The following CLSTN2 variants were observed in gnomAD, a reference collection of about 807,000 sequenced individuals.
The protein encoded by CLSTN2 is calsyntenin 2, also known as calsyntenin-2.
CLSTN2 carries 48 observed loss-of-function variants against 101.2 expected under a neutral mutation model. The ratio of observed to expected loss-of-function variants is 0.47; its 90% confidence interval spans 0.38 to 0.60. CLSTN2 has a LOEUF of 0.60. Among genes scored for constraint, CLSTN2 ranks in the 20% least tolerant of loss-of-function variants. CLSTN2 has a pLI of 0.00. For synonymous variants in CLSTN2, 481 were observed against 463.6 expected, an observed-to-expected ratio of 1.04 and a Z score of -0.48; for missense variants, 1,160 against 1,238.2, an observed-to-expected ratio of 0.94 and a Z score of 0.95.
intron 2 of CLSTN2, among the ~76,000 whole-genome samples, chr3:140,206,820 G>A (rs138278430): frequency 2.6e-5 from 4 of 152,292 alleles, no homozygotes; most frequent in African/African-American, 9.6e-5. Context: ...TGTGCTTGAA[G>A]TGCTGTCCAG....
At chr3:139,963,471 G>T (rs1468763248) in intron 1 of CLSTN2, among the ~76,000 whole-genome samples, 2 of 152,124 alleles carry the variant, frequency 1.3e-5, no homozygotes, top group African/African-American at 4.8e-5. Flanking sequence ...TGGGTAGGAA[G>T]AATTGAAAAT....
At chr3:140,563,003 C>G (rs767996494) in intron 14 of CLSTN2, 47 bp downstream of exon 14, 10 of 1,612,000 alleles carry the variant, frequency 6.2e-6, no homozygotes, top group Non-Finnish European at 8.5e-6. Flanking sequence ...TCACCCATTC[C>G]CTCATTCATT....
intron 8 of CLSTN2, among the ~76,000 whole-genome samples, chr3:140,525,195 C>T (rs72976030): frequency 0.071 from 10,838 of 152,148 alleles, 1,276 homozygotes; most frequent in African/African-American, 0.25. Flanking sequence ...ATTGATTGAG[C>T]GCTAGCTAGA....
chr3:140,386,466 C>G (rs907726997), intron 2 of CLSTN2, among the ~76,000 whole-genome samples: 1 of 152,320 alleles, frequency 6.6e-6, no homozygotes, highest in South Asian at 2.1e-4. Context: ...TTCAGCAGCT[C>G]TCTGATTAAC....
chr3:140,563,037 C>T, intron 14 of CLSTN2, 43 bp from the exon 15 acceptor site: 1 of 1,612,140 alleles, frequency 6.2e-7, no homozygotes, highest in Non-Finnish European at 8.5e-7. Context: ...ACTGGCCCAC[C>T]TGCCACTCCT....
At position 140,205,618 on chromosome 3, in the gene CLSTN2, G is replaced by GCAC. The variant is rs1553721844; in HGVS notation, c.232+29546_232+29547insACC. ...TACAGTTGTTGTTTGGACCTGACCC[G>GCAC]CCCCCCACCCACACACACACACAGC... On this transcript the variant is annotated intron_variant, in intron 2 of 16. Coordinates refer to ENST00000458420, the MANE Select transcript of CLSTN2 (RefSeq NM_022131.3). 8.9e-5 allele frequency among the ~76,000 whole-genome samples: 6 copies of GCAC among 67,172 alleles called. 1 individual carries two copies. The highest frequency in any genetic ancestry group is 2.2e-4 in the Non-Finnish European group (6 of 27,136). The allele number at this position is 67,172 out of a possible 152,430, so 44.1% of individuals were successfully genotyped here.
intron 2 of CLSTN2, among the ~76,000 whole-genome samples, chr3:140,267,405 C>T (rs960654760): frequency 6.6e-6 from 1 of 152,196 alleles, no homozygotes; most frequent in African/African-American, 2.4e-5. Context: ...AGTCCACAAA[C>T]TCCAATTCCT....
intron 2 of CLSTN2, among the ~76,000 whole-genome samples, chr3:140,322,761 G>C (rs2107924630): frequency 6.6e-6 from 1 of 152,290 alleles, no homozygotes; most frequent in South Asian, 2.1e-4. Context: ...AAGCCTCTGA[G>C]GGATTTCTGG....
At chr3:140,487,489 G>T (rs922295215) in intron 8 of CLSTN2, among the ~76,000 whole-genome samples, 1 of 152,204 alleles carries the variant, frequency 6.6e-6, no homozygotes, top group Non-Finnish European at 1.5e-5. Flanking sequence ...GAATGAGTTG[G>T]TGTTTGTTTC....
intron 2 of CLSTN2, among the ~76,000 whole-genome samples, chr3:140,399,395 A>G (rs571617131): frequency 6.6e-6 from 1 of 152,312 alleles, no homozygotes; most frequent in Admixed American, 6.5e-5. Context: ...CTTTCTATCT[A>G]GAATTTTGTC....
chr3:140,443,295 C>A (rs1249782174), intron 5 of CLSTN2, among the ~76,000 whole-genome samples: 1 of 152,224 alleles, frequency 6.6e-6, no homozygotes, highest in African/African-American at 2.4e-5. Flanking sequence ...TCGTTTCTGA[C>A]CACAGAATTG....
intron 2 of CLSTN2, among the ~76,000 whole-genome samples, chr3:140,400,093 T>C (rs1314179855): frequency 2.0e-5 from 3 of 152,184 alleles, no homozygotes; most frequent in Non-Finnish European, 4.4e-5. Context: ...TCCTTGGTTG[T>C]TCACATTTCT....
intron 2 of CLSTN2, among the ~76,000 whole-genome samples, chr3:140,345,508 C>G (rs948822313): frequency 6.6e-6 from 1 of 152,004 alleles, no homozygotes; most frequent in Non-Finnish European, 1.5e-5. Context: ...CCTCAGCCTC[C>G]CAAAGTGTTG....
intron 10 of CLSTN2, among the ~76,000 whole-genome samples, chr3:140,550,835 A>G (rs545883357): frequency 5.3e-5 from 8 of 150,912 alleles, no homozygotes; most frequent in Non-Finnish European, 7.4e-5. Flanking sequence ...CCTTTTTATA[A>G]CCAAGCTTGG....
chr3:140,090,160 G>A (rs1455711518), intron 1 of CLSTN2, among the ~76,000 whole-genome samples: 1 of 150,134 alleles, frequency 6.7e-6, no homozygotes, highest in Non-Finnish European at 1.5e-5. Flanking sequence ...GGGTTGTCTC[G>A]GGGCTGGCAT....
Position 139,935,281 on chromosome 3 carries a change from C to A in CLSTN2, c.-94C>A. Reference sequence around the variant, plus strand: ...GCGCTAGAAGCGCACCCATCGGGCACGGCGAGGCGGCCCACGGTGCGGCAG... The same window carrying A: ...GCGCTAGAAGCGCACCCATCGGGCAAGGCGAGGCGGCCCACGGTGCGGCAG... On this transcript the variant is annotated 5_prime_UTR_variant, in exon 1 of 17. Transcript: ENST00000458420. This position sits in a 1 kb window ranked among gnomAD's most constrained non-coding sequence, Gnocchi z 5.5. 2.3e-5 allele frequency: 14 copies of A among 614,834 alleles called. No individual in the cohort carries two copies. Among genetic ancestry groups the A allele is most frequent in the Non-Finnish European group, 3.2e-5 (14 of 431,600 alleles). The allele number at this position is 614,834 out of a possible 1,614,324, so 38.1% of individuals were successfully genotyped here.
chr3:140,368,915 G>A (rs1313579518), intron 2 of CLSTN2, among the ~76,000 whole-genome samples: 1 of 152,138 alleles, frequency 6.6e-6, no homozygotes, highest in African/African-American at 2.4e-5. Flanking sequence ...ACGGTGTTCT[G>A]GGTAACCTTT....
At chr3:140,501,975 A>G (rs1934585130) in intron 8 of CLSTN2, among the ~76,000 whole-genome samples, 1 of 152,206 alleles carries the variant, frequency 6.6e-6, no homozygotes, top group South Asian at 2.1e-4. Context: ...GTGACCTTGG[A>G]CATGTTATTC....
intron 6 of CLSTN2, among the ~76,000 whole-genome samples, chr3:140,459,286 C>A (rs1020270300): frequency 6.6e-6 from 1 of 152,234 alleles, no homozygotes; most frequent in African/African-American, 2.4e-5. Flanking sequence ...TGCATCCTAT[C>A]TTGCCACATG....
Sources: gnomAD v4.1 joint callset for allele counts (sites outside exome capture counted in the v4.1 genomes callset) on GRCh38, gnomAD v4.1.1 for gene constraint, Gnocchi (gnomAD v3.1) non-coding constraint, MANE v1.5 for transcripts, NCBI Gene and HGNC (gene_info 2026-07-23, HGNC 2026-07-21) for gene names.